TIMP4: variants seen among roughly 807,000 people sequenced by gnomAD.
TIMP4 encodes the protein metalloproteinase inhibitor 4.
In TIMP4, 28 loss-of-function variants were observed where a neutral mutation model predicts 27.3. The observed-to-expected ratio is 1.03, with a 90% confidence interval of 0.76 to 1.41. The LOEUF (loss-of-function observed/expected upper bound fraction) is 1.41, where lower values mean the gene tolerates loss of function less well. TIMP4 is among the 40% of genes most tolerant of loss of function. The pLI, the probability that TIMP4 is intolerant of heterozygous loss-of-function variation, is 0.00. For synonymous variants in TIMP4, 138 were observed against 115.5 expected (o/e 1.20, Z -1.25); for missense variants, 307 against 285.5 (o/e 1.08, Z -0.54).
intron 3 of TIMP4, among the ~76,000 whole-genome samples, chr3:12,156,261 C>T (rs1420321069): frequency 3.3e-5 from 5 of 152,210 alleles, no homozygotes; most frequent in Non-Finnish European, 7.3e-5. Context: ...CCTGATAGTT[C>T]ACAACTACCA....
intron 3 of TIMP4, among the ~76,000 whole-genome samples, chr3:12,155,953 C>T (rs1293372011): frequency 1.3e-5 from 2 of 152,206 alleles, no homozygotes; most frequent in Non-Finnish European, 2.9e-5. Context: ...TACAATTCCA[C>T]ATCCTCAGAG....
rs747694894 is a variant in TIMP4, at chr3:12,158,829, G to A, written c.12C>T (p.Ser4=). The A allele has an allele frequency of 5.0e-6, 8 of 1,589,522 alleles. No homozygotes were observed. Among genetic ancestry groups the A allele is most frequent in the Middle Eastern group, 1.7e-4 (1 of 5,814 alleles). The change falls in exon 1 of 5, where the codon AGC becomes AGT. Residue 4 remains serine (S), a synonymous_variant. Transcript: ENST00000287814. ...GCACCCAGCTTGGCGCGGGCCGAGG[G>A]CTCCCAGGCATGACACTGCAGATCC... MPG[S]PRPAPSWVLL... is the part of the protein sequence containing the mutation.
At chr3:12,155,670 T>A (rs1035239246) in intron 3 of TIMP4, among the ~76,000 whole-genome samples, 3 of 152,354 alleles carry the variant, frequency 2.0e-5, no homozygotes, top group South Asian at 4.1e-4. Flanking sequence ...CTGTAGGACC[T>A]GGGCACCATT....
chr3:12,154,503 C>A (rs1559443385), intron 3 of TIMP4, 52 bp from the exon 4 acceptor site: 1 of 1,600,436 alleles, frequency 6.2e-7, no homozygotes, highest in African/African-American at 1.3e-5. Flanking sequence ...CTCCTGGAGC[C>A]CCAGGGGCCC....
At chr3:12,157,145 GT>G (rs1477992037) in intron 2 of TIMP4, among the ~76,000 whole-genome samples, 4 of 152,122 alleles carry the variant, frequency 2.6e-5, no homozygotes, top group Non-Finnish European at 4.4e-5. Context: ...ATTCCAGTAG[GT>G]ACCTGTAGTG....
intron 1 of TIMP4, 187 bp downstream of exon 1, chr3:12,158,515 C>T: frequency 1.3e-6 from 1 of 746,628 alleles, no homozygotes; most frequent in Non-Finnish European, 2.1e-6. Flanking sequence ...CCTTATGAAT[C>T]AGTCAGGTTC....
rs1697489235 is a variant in TIMP4 at position 12,157,389 on chromosome 3, A to G, written c.233T>C (p.Ile78Thr). 6.2e-7 allele frequency: 1 copy of G among 1,614,012 alleles called. No homozygotes were observed. Among genetic ancestry groups the G allele is most frequent in the Non-Finnish European group, 8.5e-7 (1 of 1,179,960 alleles). ...EKMLRYEIKQ[I>T]KMFKGFEKVK... ...TCCCAGCCTGCCCCCATGTACCTTTATCTGTTTGATTTCATACCGGAGCAT... is the reference window on the plus strand; with the variant it reads ...TCCCAGCCTGCCCCCATGTACCTTTGTCTGTTTGATTTCATACCGGAGCAT... The change falls in exon 2 of 5, where the codon ATA becomes ACA. Residue 78 changes from isoleucine (I) to threonine (T), a missense_variant. Transcript: ENST00000287814.
At chr3:12,157,619 A>T in intron 1 of TIMP4, 137 bp from the exon 2 acceptor site, 1 of 741,000 alleles carries the variant, frequency 1.3e-6, no homozygotes, top group South Asian at 1.7e-5. Flanking sequence ...GAGCAACGTG[A>T]TGTGTGAGAA....
In TIMP4 at chr3:12,153,603, A is replaced by T. The variant is rs747262956; in HGVS notation, c.587T>A (p.Val196Asp). Residue 196 changes from valine (V) to aspartate (D), a missense_variant, in exon 5 of 5, where the codon GTC becomes GAC. Val to Asp is a radical substitution (Grantham distance 152). Transcript: ENST00000287814. ...GGTGCCGTCAACATGCTTCATACAG[A>T]CATAATGCTGAGCCTGGTAACCATA... ...KLYGYQAQHYVCMKHVDGTCS... is the reference protein window; with the variant it reads ...KLYGYQAQHYDCMKHVDGTCS... The T allele has an allele frequency of 6.2e-7, 1 of 1,614,022 alleles. No individual in the cohort carries two copies. The highest frequency in any genetic ancestry group is 8.5e-7 in the Non-Finnish European group (1 of 1,179,992).
chr3:12,154,229 C>G (rs1213346747), intron 4 of TIMP4, 98 bp downstream of exon 4: 3 of 1,549,102 alleles, frequency 1.9e-6, no homozygotes, highest in Non-Finnish European at 2.6e-6. Flanking sequence ...CAGTGCAGAT[C>G]TCAAGTATAG....
At chr3:12,158,670 C>G (rs565254389) in intron 1 of TIMP4, 32 bp downstream of exon 1, 15 of 1,607,718 alleles carry the variant, frequency 9.3e-6, no homozygotes, top group Non-Finnish European at 1.3e-5. Flanking sequence ...ACAACCACCC[C>G]CTGCTGTGGA....
At position 12,154,307 on chromosome 3, in the gene TIMP4, G is replaced by C. The variant is rs1284655531; in HGVS notation, c.477+20C>G. On this transcript the variant is annotated intron_variant, in intron 4 of 4. Coordinates refer to ENST00000287814, the MANE Select transcript of TIMP4 (RefSeq NM_003256.4). Reference sequence around the variant, plus strand: ...CCCTTCCCCCATCCCTAAAGACTTTGGAAATGGACATTCCCTTACTTGGCA... The same window carrying C: ...CCCTTCCCCCATCCCTAAAGACTTTCGAAATGGACATTCCCTTACTTGGCA... The C allele has an allele frequency of 6.2e-7, 1 of 1,614,142 alleles. No homozygotes were observed. Among genetic ancestry groups the C allele is most frequent in the Admixed American group, 1.7e-5 (1 of 60,020 alleles).
At position 12,156,847 on chromosome 3, in the gene TIMP4, T is replaced by A. The variant is rs192507347; in HGVS notation, c.325A>T (p.Asn109Tyr). The change falls in exon 3 of 5, where the codon AAC becomes TAC. Residue 109 changes from asparagine (N) to tyrosine (Y), a missense_variant. Asn to Tyr is a moderately radical substitution (Grantham distance 143). Transcript: ENST00000287814. Reference protein sequence around the residue: ...SSLCGVKLEANSQKQYLLTGQ... With the variant: ...SSLCGVKLEAYSQKQYLLTGQ... ...GTCAAGAGATACTGCTTCTGGCTGT[T>A]GGCTTCTAGTTTCACACCACAGAGG... The A allele has an allele frequency of 1.6e-5, 26 of 1,614,222 alleles. 1 individual carries two copies. In the East Asian group the frequency reaches 5.8e-4, roughly 36 times the overall value.
chr3:12,158,553 G>A (rs985671844), intron 1 of TIMP4, 149 bp downstream of exon 1: 1 of 1,190,216 alleles, frequency 8.4e-7, no homozygotes, highest in Non-Finnish European at 1.2e-6. Flanking sequence ...TATGGCGCCT[G>A]GTCCTTCTCC....
chr3:12,153,683 G>A lies in TIMP4; in HGVS notation c.507C>T (p.Thr169=), dbSNP rs1008518347. The stretch of plus-strand genomic sequence containing the variant: ...AGAGGCACTCGTTAGGGGCCGAGAT[G>A]GTACAGGGTACTGTGTAGCAGGTGG... ...QITTCYTVPC[T]ISAPNECLWT... is the part of the protein sequence containing the mutation. The change falls in exon 5 of 5, where the codon ACC becomes ACT. Residue 169 remains threonine, a synonymous_variant. Coordinates refer to ENST00000287814, the MANE Select transcript of TIMP4 (RefSeq NM_003256.4). 2 of 1,614,048 alleles carry A rather than the reference G, an allele frequency of 1.2e-6. No individual in the cohort carries two copies. Among genetic ancestry groups the A allele is most frequent in the African/African-American group, 2.7e-5 (2 of 74,912 alleles).
chr3:12,156,010 A>G (rs1697445937), intron 3 of TIMP4, among the ~76,000 whole-genome samples: 1 of 152,192 alleles, frequency 6.6e-6, no homozygotes, highest in Admixed American at 6.5e-5. Flanking sequence ...TGACTCATCA[A>G]GAGCCATGTC....
In TIMP4 at chr3:12,153,636, C is replaced by A. The variant is rs749595899; in HGVS notation, c.554G>T (p.Arg185Leu). The A allele has an allele frequency of 1.2e-6, 2 of 1,614,170 alleles. No homozygotes were observed. The highest frequency in any genetic ancestry group is 3.3e-5 in the Admixed American group (2 of 60,018). The change falls in exon 5 of 5, where the codon CGA (arginine) becomes CTA (leucine). Residue 185 changes from arginine to leucine, a missense_variant. Transcript: ENST00000287814. ...ECLWTDWLLE[R>L]KLYGYQAQHY... is the part of the protein sequence containing the mutation. ...CTGAGCCTGGTAACCATAGAGCTTT[C>A]GTTCCAACAGCCAGTCTGTCCAGAG...
intron 3 of TIMP4, among the ~76,000 whole-genome samples, chr3:12,154,828 G>C (rs917981795): frequency 2.6e-5 from 4 of 151,834 alleles, no homozygotes; most frequent in Non-Finnish European, 5.9e-5. Context: ...TTATAAAGTT[G>C]TCAGATTAAA....
At chr3:12,155,605 A>T (rs1184759795) in intron 3 of TIMP4, among the ~76,000 whole-genome samples, 2 of 152,224 alleles carry the variant, frequency 1.3e-5, no homozygotes, top group African/African-American at 4.8e-5. Context: ...AGAGGGCAGC[A>T]GTGTTCTGGT....
Sources: gnomAD v4.1 joint callset for allele counts (sites outside exome capture counted in the v4.1 genomes callset) on GRCh38, gnomAD v4.1.1 for gene constraint, MANE v1.5 for transcripts, NCBI Gene and HGNC (gene_info 2026-07-23, HGNC 2026-07-21) for gene names.